The following EFCAB5 variants were observed in gnomAD, a reference collection of about 807,000 sequenced individuals.
EFCAB5 encodes EF-hand calcium-binding domain-containing protein 5.
In EFCAB5, 131 loss-of-function variants were observed where a neutral mutation model predicts 167.9. The observed-to-expected ratio is 0.78, with a 90% confidence interval of 0.68 to 0.90. The LOEUF is 0.90. Among genes scored for constraint, EFCAB5 ranks in the 40% least tolerant of loss-of-function variants. The pLI, the probability that EFCAB5 is intolerant of heterozygous loss-of-function variation, is 0.00. For missense variants in EFCAB5, 1,663 were observed against 1,745.2 expected, an observed-to-expected ratio of 0.95 and a Z score of 0.84; for synonymous variants, 574 against 602.8, an observed-to-expected ratio of 0.95 and a Z score of 0.70.
At chr17:29,932,414 G>A (rs1224552531) in intron 1 of EFCAB5, among the ~76,000 whole-genome samples, 1 of 144,250 alleles carries the variant, frequency 6.9e-6, no homozygotes, top group Non-Finnish European at 1.5e-5. Flanking sequence ...GCCTCCCAAA[G>A]TGCTAGGATT....
intron 1 of EFCAB5, 136 bp from the exon 2 acceptor site, chr17:29,942,104 T>C: frequency 1.3e-6 from 1 of 795,158 alleles, no homozygotes; most frequent in South Asian, 2.1e-5. Flanking sequence ...CTACTTTGTG[T>C]AATTTTATTT....
intron 22 of EFCAB5, among the ~76,000 whole-genome samples, chr17:30,093,869 CAGG>C (rs2071246644): frequency 6.6e-6 from 1 of 152,292 alleles, no homozygotes; most frequent in Non-Finnish European, 1.5e-5. Context: ...GCAGTTATAT[CAGG>C]AAATTCTAAG....
chr17:30,029,884 T>C (rs1479051159), intron 7 of EFCAB5, among the ~76,000 whole-genome samples: 2 of 152,168 alleles, frequency 1.3e-5, no homozygotes, highest in Non-Finnish European at 2.9e-5. Context: ...TTATAATAGC[T>C]ATTAAATGTG....
intron 20 of EFCAB5, among the ~76,000 whole-genome samples, chr17:30,091,457 A>G (rs1458399853): frequency 2.0e-5 from 3 of 152,242 alleles, no homozygotes; most frequent in Non-Finnish European, 2.9e-5. Flanking sequence ...CTAAGTGTTC[A>G]CTATGTGTAA....
rs942817074 is a variant in EFCAB5 at position 29,994,341 on chromosome 17, A to G, written c.924+1020A>G. 3.1e-4 allele frequency among the ~76,000 whole-genome samples: 47 copies of G among 151,614 alleles called. 1 individual carries two copies. Among genetic ancestry groups the G allele is most frequent in the Non-Finnish European group, 4.4e-5 (3 of 67,928 alleles). On this transcript the variant is annotated intron_variant, in intron 5 of 22. Transcript: ENST00000394835. ...ATTTTTAGTAATTGAAGAATGAGAA[A>G]GTATAGAGGATTCTTTGGATGGCCA... is the stretch of plus-strand genomic sequence containing the variant.
At chr17:29,987,605 G>A (rs2068315307) in intron 4 of EFCAB5, among the ~76,000 whole-genome samples, 2 of 152,118 alleles carry the variant, frequency 1.3e-5, no homozygotes, top group Non-Finnish European at 2.9e-5. Flanking sequence ...TTGCATATGT[G>A]GTGTCCCATA....
intron 7 of EFCAB5, among the ~76,000 whole-genome samples, chr17:30,027,445 C>A (rs1183853483): frequency 6.6e-6 from 1 of 151,734 alleles, no homozygotes; most frequent in African/African-American, 2.4e-5. Context: ...GTGTGGTTGT[C>A]CCAATGGAAT....
At chr17:30,014,835 G>A (rs1275111763) in intron 7 of EFCAB5, among the ~76,000 whole-genome samples, 2 of 152,160 alleles carry the variant, frequency 1.3e-5, no homozygotes, top group African/African-American at 4.8e-5. Flanking sequence ...ATTTGATCCT[G>A]TCATTATGAT....
chr17:30,025,996 A>T (rs2069310130), intron 7 of EFCAB5, among the ~76,000 whole-genome samples: 1 of 151,728 alleles, frequency 6.6e-6, no homozygotes, highest in Admixed American at 6.6e-5. Context: ...AGGAAGGGGA[A>T]CATCACACTC....
Position 30,053,589 on chromosome 17 carries a change from A to G in EFCAB5, c.1635A>G (p.Glu545=), listed in dbSNP as rs1232347739. Residue 545 remains glutamate (E), a synonymous_variant, in exon 10 of 23, where the codon GAA becomes GAG. Transcript: ENST00000394835. Reference sequence around the variant, plus strand: ...AACTGTACATAGAATCAGTAATAGAACCAGGAACACACACAGAGTCAACTC... The same window carrying G: ...AACTGTACATAGAATCAGTAATAGAGCCAGGAACACACACAGAGTCAACTC... ...EQELYIESVI[E]PGTHTESTLE... 6.2e-7 allele frequency: 1 copy of G among 1,613,992 alleles called. No homozygotes were observed. The highest frequency in any genetic ancestry group is 2.2e-5 in the East Asian group (1 of 44,888).
intron 7 of EFCAB5, among the ~76,000 whole-genome samples, chr17:30,030,413 G>A (rs567090278): frequency 3.9e-4 from 59 of 152,096 alleles, no homozygotes; most frequent in Non-Finnish European, 7.1e-4. Context: ...GTGCAATCTC[G>A]GCTCATTGCA....
At chr17:29,990,035 C>T (rs2068378052) in intron 4 of EFCAB5, among the ~76,000 whole-genome samples, 1 of 152,142 alleles carries the variant, frequency 6.6e-6, no homozygotes, top group African/African-American at 2.4e-5. Flanking sequence ...AGAACTTGTG[C>T]TCCCCATTGT....
At chr17:30,046,310 A>G (rs545435482) in intron 8 of EFCAB5, among the ~76,000 whole-genome samples, 1 of 152,288 alleles carries the variant, frequency 6.6e-6, no homozygotes, top group South Asian at 2.1e-4. Flanking sequence ...CTATTAAAGA[A>G]AAAAGCTTTT....
chr17:29,961,463 G>C (rs1436402969), intron 3 of EFCAB5, among the ~76,000 whole-genome samples: 2 of 151,938 alleles, frequency 1.3e-5, no homozygotes, highest in Non-Finnish European at 2.9e-5. Flanking sequence ...TAATTTTAAA[G>C]TATATTTTAT....
rs146902106 is a variant in EFCAB5 at position 29,982,440 on chromosome 17, CA to C, written c.768-10724del. 8.0e-3 allele frequency among the ~76,000 whole-genome samples: 1,216 copies of C among 151,968 alleles called. 12 individuals carry two copies. Among genetic ancestry groups the C allele is most frequent in the African/African-American group, 0.024 (1,010 of 41,446 alleles). On this transcript the variant is annotated intron_variant, in intron 4 of 22. Coordinates refer to ENST00000394835, the MANE Select transcript of EFCAB5 (RefSeq NM_198529.4). ...CAGTTTAGCTTTGTGAAACTAAGAC[CA>C]CCAGAGCTTAAAAACACCTTCAAAC... is the stretch of plus-strand genomic sequence containing the variant.
At chr17:30,016,407 A>C (rs1378164315) in intron 7 of EFCAB5, among the ~76,000 whole-genome samples, 1 of 152,124 alleles carries the variant, frequency 6.6e-6, no homozygotes, top group Non-Finnish European at 1.5e-5. Context: ...TCTTTGATCC[A>C]CTTTGAGTTA....
chr17:30,014,779 G>T (rs1187094276), intron 7 of EFCAB5, among the ~76,000 whole-genome samples: 3 of 152,080 alleles, frequency 2.0e-5, no homozygotes, highest in Admixed American at 1.3e-4. Flanking sequence ...CTTTTAATTG[G>T]AGCATTTAGC....
Position 30,108,218 on chromosome 17 carries a change from G to A in EFCAB5, c.*194G>A. The A allele has an allele frequency of 2.0e-6, 1 of 512,200 alleles. No individual in the cohort carries two copies. The highest frequency in any genetic ancestry group is 4.0e-5 in the East Asian group (1 of 25,086). The allele number at this position is 512,200 out of a possible 1,614,324, so 31.7% of individuals were successfully genotyped here. ...ATTTAGCCAAAAAATACCCAGCTAAGGTAGCCATAGCCAAGTGTATTTAAG... is the reference window on the plus strand; with the variant it reads ...ATTTAGCCAAAAAATACCCAGCTAAAGTAGCCATAGCCAAGTGTATTTAAG... On this transcript the variant is annotated 3_prime_UTR_variant, in exon 23 of 23. Coordinates refer to ENST00000394835, the MANE Select transcript of EFCAB5 (RefSeq NM_198529.4).
intron 8 of EFCAB5, among the ~76,000 whole-genome samples, chr17:30,041,563 C>A (rs2069775684): frequency 6.6e-6 from 1 of 152,112 alleles, no homozygotes; most frequent in African/African-American, 2.4e-5. Flanking sequence ...GAAATGACAA[C>A]AAAGGATTTA....
Sources: gnomAD v4.1 joint callset for allele counts (sites outside exome capture counted in the v4.1 genomes callset) on GRCh38, gnomAD v4.1.1 for gene constraint, MANE v1.5 for transcripts, NCBI Gene and HGNC (gene_info 2026-07-23, HGNC 2026-07-21) for gene names.